UGT2B11: variants seen among roughly 807,000 people sequenced by gnomAD.
UGT2B11 encodes the protein UDP-glucuronosyltransferase 2B11.
UGT2B11 carries 49 observed loss-of-function variants against 51.7 expected under a neutral mutation model. The ratio of observed to expected loss-of-function variants is 0.95; its 90% CI spans 0.75 to 1.20. The LOEUF is 1.20. Among genes scored for constraint, UGT2B11 ranks in the 50% most tolerant of loss-of-function variants. The probability of loss-of-function intolerance (pLI) is 0.00; values close to 1 mark genes in which losing one functional copy is unlikely to be tolerated. For missense variants in UGT2B11, 810 were observed against 622.1 expected, an observed-to-expected ratio of 1.30 and a Z score of -3.21; for synonymous variants, 273 against 209.0, an observed-to-expected ratio of 1.31 and a Z score of -2.64.
chr4:69,215,064 T>C (rs1577968194), upstream of UGT2B11: 1 of 205,316 alleles, frequency 4.9e-6, no homozygotes, highest in East Asian at 1.2e-4. Flanking sequence ...AGAGATGAAA[T>C]GATTGTACAA....
chr4:69,210,817 CA>C (rs1210531824), intron 2 of UGT2B11, among the ~76,000 whole-genome samples: 4 of 151,518 alleles, frequency 2.6e-5, no homozygotes, highest in Non-Finnish European at 5.9e-5. Flanking sequence ...TTTATGTAAG[CA>C]AAAACGTTCT....
intron 5 of UGT2B11, 67 bp downstream of exon 5, chr4:69,204,363 C>G (rs1414683312): frequency 1.3e-6 from 2 of 1,590,188 alleles, no homozygotes; most frequent in South Asian, 1.1e-5. Flanking sequence ...GGATGAAACT[C>G]ATGCTCACTA....
intron 5 of UGT2B11, among the ~76,000 whole-genome samples, chr4:69,202,552 A>T (rs1721700933): frequency 6.6e-6 from 1 of 151,658 alleles, no homozygotes; most frequent in South Asian, 2.1e-4. Context: ...ACTCTAGGAA[A>T]ATGTGTCTTC....
chr4:69,201,171 G>C lies in UGT2B11; in HGVS notation c.1311-452C>G, dbSNP rs943833113. On this transcript the variant is annotated intron_variant, in intron 5 of 5. Coordinates refer to ENST00000446444, the MANE Select transcript of UGT2B11 (RefSeq NM_001073.3). ...CAATTACATTCTTAGTTCTCAAACA[G>C]GCATATGAGTACATGCTCAGCATCA... 5.8e-5 allele frequency: 9 copies of C among 154,784 alleles called. No homozygotes were observed. In the Middle Eastern group the frequency reaches 0.013, roughly 229 times the overall value. 9.6% of individuals were successfully genotyped at this position (154,784 alleles called of 1,614,324 possible). A position where few individuals can be genotyped will look rare whatever the true frequency, so the allele number is the denominator to read the frequency against.
chr4:69,204,718 A>C, intron 4 of UGT2B11, 69 bp from the exon 5 acceptor site: 5 of 1,606,644 alleles, frequency 3.1e-6, no homozygotes, highest in Non-Finnish European at 4.3e-6. Context: ...AAAGGTTCTG[A>C]AAGTGACAGT....
At chr4:69,216,984 T>C (rs1479312122), upstream of UGT2B11, among the ~76,000 whole-genome samples, 1 of 152,124 alleles carries the variant, frequency 6.6e-6, no homozygotes, top group Non-Finnish European at 1.5e-5. Context: ...ATTATGATAT[T>C]AGCATCATTT....
chr4:69,206,475 G>T lies in UGT2B11; in HGVS notation c.1003-908C>A, dbSNP rs536448696. On this transcript the variant is annotated intron_variant, in intron 3 of 5. Transcript: ENST00000446444. ...ACAACATACACTGAGATGTATTGGA[G>T]GGTGGAGGGTGGGAGGAAAGAGAGG... 2.0e-3 allele frequency among the ~76,000 whole-genome samples: 305 copies of T among 151,638 alleles called. 2 individuals are homozygous for T. Among genetic ancestry groups the T allele is most frequent in the African/African-American group, 6.3e-3 (261 of 41,446 alleles).
chr4:69,224,966 C>T, the UGT2B11 span, among the ~76,000 whole-genome samples: 1 of 152,098 alleles, frequency 6.6e-6, no homozygotes, highest in African/African-American at 2.4e-5. Context: ...AGAATTGTAA[C>T]TTAAGTTTTA....
intron 4 of UGT2B11, 67 bp downstream of exon 4, chr4:69,205,413 G>C: frequency 1.3e-6 from 2 of 1,553,422 alleles, no homozygotes; most frequent in African/African-American, 1.4e-5. Flanking sequence ...TATTCAATAA[G>C]CATGTTTCAT....
intron 2 of UGT2B11, among the ~76,000 whole-genome samples, chr4:69,210,455 G>A (rs1487514133): frequency 1.3e-5 from 2 of 151,598 alleles, no homozygotes; most frequent in Admixed American, 6.6e-5. Context: ...ACCTGGGTTA[G>A]CAATTATTTT....
intron 3 of UGT2B11, among the ~76,000 whole-genome samples, chr4:69,207,399 G>C: frequency 6.6e-6 from 1 of 151,616 alleles, no homozygotes; most frequent in Non-Finnish European, 1.5e-5. Context: ...TTATCAGATA[G>C]GAAATTAAAA....
intron 5 of UGT2B11, chr4:69,204,179 T>C: frequency 6.6e-6 from 2 of 303,874 alleles, no homozygotes; most frequent in Non-Finnish European, 1.2e-5. Flanking sequence ...GTATTTTTTA[T>C]ATTATCTATA....
At chr4:69,217,873 C>T (rs998250433), upstream of UGT2B11, among the ~76,000 whole-genome samples, 2 of 152,068 alleles carry the variant, frequency 1.3e-5, no homozygotes, top group Non-Finnish European at 2.9e-5. Context: ...ATTGGGCATT[C>T]CTCCAAGATG....
intron 2 of UGT2B11, among the ~76,000 whole-genome samples, chr4:69,210,407 A>G (rs1230588846): frequency 6.6e-6 from 1 of 151,604 alleles, no homozygotes; most frequent in Non-Finnish European, 1.5e-5. Flanking sequence ...ATATATAGAA[A>G]TTATCTGAGA....
chr4:69,213,259 T>G (rs1722143425), intron 1 of UGT2B11, among the ~76,000 whole-genome samples: 1 of 151,792 alleles, frequency 6.6e-6, no homozygotes, highest in Admixed American at 6.6e-5. Flanking sequence ...ATCATTTAAG[T>G]AAATATATTT....
upstream of UGT2B11, chr4:69,216,162 A>G (rs934349075): frequency 3.3e-5 from 5 of 152,072 alleles, no homozygotes; most frequent in Non-Finnish European, 5.9e-5. Flanking sequence ...AGCTGTTCAG[A>G]TAACAGCTCA....
Position 69,200,712 on chromosome 4 carries a change from C to T in UGT2B11, c.1318G>A (p.Glu440Lys), listed in dbSNP as rs1218930279. 1.2e-6 allele frequency: 2 copies of T among 1,608,678 alleles called. No individual in the cohort carries two copies. Among genetic ancestry groups the T allele is most frequent in the Admixed American group, 1.7e-5 (1 of 59,400 alleles). ...ATTCTTGATAATTTCATAATATTCT[C>T]TTTATATCTGAAGGATAAAAATAAG... ...KTVINDPLYKENIMKLSRIQH... is the reference protein window; with the variant it reads ...KTVINDPLYKKNIMKLSRIQH... The change falls in exon 6 of 6, where the codon GAG (glutamate) becomes AAG (lysine). Residue 440 changes from glutamate (E) to lysine (K), a missense_variant. Physicochemically the swap from Glu to Lys is moderately conservative, Grantham distance 56. Transcript: ENST00000446444.
At position 69,212,987 on chromosome 4, in the gene UGT2B11, G is replaced by A. The variant is rs562175006; in HGVS notation, c.722-266C>T. ...AGTATACTCACAATTATTAAAATAAGTCATAGATAATTAAACATCAATTTA... is the reference window on the plus strand; with the variant it reads ...AGTATACTCACAATTATTAAAATAAATCATAGATAATTAAACATCAATTTA... On this transcript the variant is annotated intron_variant, in intron 1 of 5. Transcript: ENST00000446444. Among the ~76,000 whole-genome samples, 16 of 151,442 alleles carry A rather than the reference G, an allele frequency of 1.1e-4. No individual in the cohort carries two copies. The East Asian group carries it at 3.1e-3, about 29-fold the overall frequency.
At chr4:69,205,337 A>G (rs1015550904) in intron 4 of UGT2B11, 143 bp downstream of exon 4, 5 of 1,103,262 alleles carry the variant, frequency 4.5e-6, no homozygotes, top group African/African-American at 3.2e-5. Context: ...CAATTCTACC[A>G]TATTCTTTTC....
Sources: allele counts gnomAD v4.1 joint callset (sites outside exome capture counted in the v4.1 genomes callset), GRCh38; gene constraint gnomAD v4.1.1; transcripts MANE v1.5; gene names NCBI Gene and HGNC (gene_info 2026-07-23, HGNC 2026-07-21).